TMEM132C: variants seen among roughly 807,000 people sequenced by gnomAD.
The protein encoded by TMEM132C is protein phosphatase 1, regulatory subunit 152.
Under a neutral mutation model 61.4 loss-of-function variants are expected in TMEM132C, and 29 were observed. The observed-to-expected ratio is 0.47, with a 90% CI of 0.35 to 0.64. The LOEUF (loss-of-function observed/expected upper bound fraction) is 0.64. Among genes scored for constraint, TMEM132C ranks in the 30% least tolerant of loss-of-function variants. The pLI, the probability that TMEM132C is intolerant of heterozygous loss-of-function variation, is 0.00. For synonymous variants in TMEM132C, 656 were observed against 633.1 expected, an observed-to-expected ratio of 1.04 and a Z score of -0.54; for missense variants, 1,408 against 1,476.9, an observed-to-expected ratio of 0.95 and a Z score of 0.76.
Position 128,688,341 on chromosome 12 carries a change from G to A in TMEM132C, c.1450-5488G>A, listed in dbSNP as rs371500517. 5.9e-5 allele frequency among the ~76,000 whole-genome samples: 9 copies of A among 152,226 alleles called. No individual in the cohort carries two copies. The East Asian group carries it at 9.6e-4, about 16-fold the overall frequency. Reference sequence around the variant, plus strand: ...TCTACCTCTCCATCTTGGATGAGCCGCAGCCATGGCGAGCCTCGGTTTTCT... The same window carrying A: ...TCTACCTCTCCATCTTGGATGAGCCACAGCCATGGCGAGCCTCGGTTTTCT... On this transcript the variant is annotated intron_variant, in intron 5 of 8. Transcript: ENST00000435159.
chr12:128,632,140 G>A (rs944123766), intron 4 of TMEM132C, among the ~76,000 whole-genome samples: 6 of 152,194 alleles, frequency 3.9e-5, no homozygotes, highest in Non-Finnish European at 8.8e-5. Flanking sequence ...TTCAACCGGA[G>A]TGAGGCATCC....
intron 1 of TMEM132C, among the ~76,000 whole-genome samples, chr12:128,296,982 C>T (rs1257479770): frequency 6.6e-6 from 1 of 152,106 alleles, no homozygotes; most frequent in Non-Finnish European, 1.5e-5. Flanking sequence ...ACCCCGTGAT[C>T]TTTGGACAAA....
At chr12:128,410,872 CAT>C (rs1310680683) in intron 1 of TMEM132C, among the ~76,000 whole-genome samples, 9 of 152,100 alleles carry the variant, frequency 5.9e-5, no homozygotes, top group African/African-American at 1.4e-4. Context: ...AATTTCTAAT[CAT>C]GTGTTGCCTT....
chr12:128,617,094 T>C (rs1593121781), intron 4 of TMEM132C, among the ~76,000 whole-genome samples: 1 of 152,294 alleles, frequency 6.6e-6, no homozygotes, highest in East Asian at 1.9e-4. Context: ...GGCATGCAGA[T>C]CACAGGAACA....
intron 4 of TMEM132C, among the ~76,000 whole-genome samples, chr12:128,661,596 G>A (rs1294831217): frequency 1.3e-5 from 2 of 152,020 alleles, no homozygotes; most frequent in Non-Finnish European, 2.9e-5. Context: ...TATGCACATG[G>A]AGGGATTCAG....
At chr12:128,431,544 C>T (rs1869386345) in intron 2 of TMEM132C, among the ~76,000 whole-genome samples, 1 of 139,674 alleles carries the variant, frequency 7.2e-6, no homozygotes, top group African/African-American at 2.7e-5. Flanking sequence ...ACGATCCCAT[C>T]TAGGACTTTT....
intron 2 of TMEM132C, among the ~76,000 whole-genome samples, chr12:128,420,210 A>G (rs1868941838): frequency 6.6e-6 from 1 of 152,132 alleles, no homozygotes; most frequent in Non-Finnish European, 1.5e-5. Context: ...AAATGAAATA[A>G]TATAATTACC....
chr12:128,638,582 G>T (rs912504974), intron 4 of TMEM132C, among the ~76,000 whole-genome samples: 1 of 152,202 alleles, frequency 6.6e-6, no homozygotes, highest in Non-Finnish European at 1.5e-5. Context: ...GGGCATTGAG[G>T]CCTGAAGGCA....
At chr12:128,290,851 A>C (rs10773520) in intron 1 of TMEM132C, among the ~76,000 whole-genome samples, 37,944 of 150,722 alleles carry the variant, frequency 0.25, 5,736 homozygotes, top group Admixed American at 0.36. Context: ...CATTTAACAA[A>C]AAAAAAAAAA....
intron 2 of TMEM132C, among the ~76,000 whole-genome samples, chr12:128,489,389 A>T (rs866596389): frequency 1.3e-5 from 2 of 150,942 alleles, no homozygotes; most frequent in Admixed American, 6.6e-5. Context: ...AAAAAAAAAA[A>T]CCATAGCCTC....
intron 2 of TMEM132C, among the ~76,000 whole-genome samples, chr12:128,461,203 A>G (rs1038631695): frequency 1.3e-5 from 2 of 152,200 alleles, no homozygotes; most frequent in African/African-American, 4.8e-5. Context: ...GGCAGTTGGC[A>G]TTTTAAAATC....
chr12:128,339,886 G>A (rs1411870185), intron 1 of TMEM132C, among the ~76,000 whole-genome samples: 1 of 152,156 alleles, frequency 6.6e-6, no homozygotes, highest in East Asian at 1.9e-4. Context: ...GCAGAACTGT[G>A]TCCACACAGA....
chr12:128,686,122 GTATGTGTGCATGTGTGTGCA>G (rs1954674642), intron 5 of TMEM132C, among the ~76,000 whole-genome samples: 1 of 135,682 alleles, frequency 7.4e-6, no homozygotes, highest in Non-Finnish European at 1.7e-5. Flanking sequence ...GTGTGTGCAT[GTATGTGTGCATGTGTGTGCA>G]TATGTGTGTA....
rs1317909312 is a variant in TMEM132C, at chr12:128,569,675, G to T, written c.1121+25572G>T. ...GCTTGTGGAGAGAGTAGTAAAACCT[G>T]ACAGGTAATTTGGTAAATCAAGACA... On this transcript the variant is annotated intron_variant, in intron 3 of 8. Coordinates refer to ENST00000435159, the MANE Select transcript of TMEM132C (RefSeq NM_001136103.3). 2.6e-5 allele frequency among the ~76,000 whole-genome samples: 4 copies of T among 152,170 alleles called. No homozygotes were observed. In the East Asian group the frequency reaches 7.7e-4, roughly 29 times the overall value.
chr12:128,304,611 A>G (rs1566049562), intron 1 of TMEM132C, among the ~76,000 whole-genome samples: 1 of 120,694 alleles, frequency 8.3e-6, no homozygotes, highest in Admixed American at 8.1e-5. Context: ...TCCGTCTCAA[A>G]AAAAAGAAAG....
chr12:128,341,904 A>G (rs1872987051), intron 1 of TMEM132C, among the ~76,000 whole-genome samples: 1 of 152,146 alleles, frequency 6.6e-6, no homozygotes, highest in South Asian at 2.1e-4. Context: ...TAATATCTAT[A>G]TATTACAGTC....
At chr12:128,471,226 A>G (rs768200010) in intron 2 of TMEM132C, among the ~76,000 whole-genome samples, 1 of 152,190 alleles carries the variant, frequency 6.6e-6, no homozygotes, top group Non-Finnish European at 1.5e-5. Context: ...GCAGTGCCAT[A>G]TTCCCCTCCA....
chr12:128,272,557 A>G (rs1870559527), intron 1 of TMEM132C, among the ~76,000 whole-genome samples: 1 of 152,232 alleles, frequency 6.6e-6, no homozygotes, highest in Non-Finnish European at 1.5e-5. Context: ...TTGTATGCAG[A>G]CTGTATATAT....
chr12:128,385,658 G>A (rs982998613), intron 1 of TMEM132C, among the ~76,000 whole-genome samples: 2 of 152,218 alleles, frequency 1.3e-5, no homozygotes, highest in African/African-American at 2.4e-5. Flanking sequence ...TAAGTCATTG[G>A]AGGAGAACAG....
Sources: gnomAD v4.1 joint callset for allele counts (sites outside exome capture counted in the v4.1 genomes callset) on GRCh38, gnomAD v4.1.1 for gene constraint, MANE v1.5 for transcripts, NCBI Gene and HGNC (gene_info 2026-07-23, HGNC 2026-07-21) for gene names.